Variants in SLC22A24 observed in about 807,000 individuals in gnomAD.
The protein encoded by SLC22A24 is steroid transmembrane transporter SLC22A24.
Under a neutral mutation model 49.8 loss-of-function variants are expected in SLC22A24, and 53 were observed. The ratio of observed to expected loss-of-function variants is 1.06; its 90% confidence interval spans 0.85 to 1.34. The LOEUF is 1.34. Among genes scored for constraint, SLC22A24 ranks in the 40% most tolerant of loss-of-function variants. The pLI, the probability that SLC22A24 is intolerant of heterozygous loss-of-function variation, is 0.00. For synonymous variants in SLC22A24, 302 were observed against 256.4 expected (o/e 1.18, Z -1.70); for missense variants, 786 against 675.9 (o/e 1.16, Z -1.81).
rs919301562 is a variant in SLC22A24 at position 63,143,573 on chromosome 11, C to T, written c.207G>A (p.Lys69=). ...VSDNDTGTLS[K]DDLLRISIPL... ...GGATGGAGATTCTCAGGAGGTCATC[C>T]TTGCTGAGGGTCCCGGTATCATTGT... The change falls in exon 1 of 10, where the codon AAG becomes AAA. Residue 69 remains lysine, a synonymous_variant. Transcript: ENST00000612278. 6.4e-7 allele frequency: 1 copy of T among 1,569,296 alleles called. No individual in the cohort carries two copies. Among genetic ancestry groups the T allele is most frequent in the Admixed American group, 1.8e-5 (1 of 54,064 alleles).
At chr11:63,106,555 A>C (rs189017376) in intron 4 of SLC22A24, among the ~76,000 whole-genome samples, 1 of 152,312 alleles carries the variant, frequency 6.6e-6, no homozygotes, top group Admixed American at 6.5e-5. Context: ...ACAGTGTAAA[A>C]GTGTTCCTAT....
intron 6 of SLC22A24, among the ~76,000 whole-genome samples, chr11:63,088,396 A>C (rs114440056): frequency 6.1e-5 from 1 of 16,304 alleles, no homozygotes; most frequent in African/African-American, 1.4e-4. Context: ...ACATCAACAT[A>C]AAGGACTCCA....
intron 6 of SLC22A24, among the ~76,000 whole-genome samples, chr11:63,087,024 GCA>G (rs1555045310): frequency 0.089 from 11,847 of 132,556 alleles, 706 homozygotes; most frequent in African/African-American, 0.19. Context: ...CCTGGAGGGC[GCA>G]CACACACACA....
chr11:63,140,505 G>C (rs1312047821), intron 1 of SLC22A24, among the ~76,000 whole-genome samples: 1 of 152,138 alleles, frequency 6.6e-6, no homozygotes, highest in Non-Finnish European at 1.5e-5. Flanking sequence ...CTTGACCTTT[G>C]AAAATCATTC....
Position 63,095,971 on chromosome 11 carries a change from C to T in SLC22A24, c.1070+20G>A, listed in dbSNP as rs1250027467. ...GTGTCTCCAATATTTTAAAGTGAAT[C>T]ATCACCAAATGGAACTTACCTCACA... is the stretch of plus-strand genomic sequence containing the variant. On this transcript the variant is annotated intron_variant, in intron 6 of 9. Coordinates refer to ENST00000612278, the MANE Select transcript of SLC22A24 (RefSeq NM_001136506.2). 10 of 1,497,996 alleles carry T rather than the reference C, an allele frequency of 6.7e-6. No individual in the cohort carries two copies. The highest frequency in any genetic ancestry group is 7.3e-6 in the Non-Finnish European group (8 of 1,100,112). The allele number at this position is 1,497,996 out of a possible 1,614,324, so 92.8% of individuals were successfully genotyped here. A position where few individuals can be genotyped will look rare whatever the true frequency, so the allele number is the denominator to read the frequency against.
Position 63,119,360 on chromosome 11 carries a change from G to A in SLC22A24, c.507-25C>T, listed in dbSNP as rs781245375. On this transcript the variant is annotated intron_variant, in intron 2 of 9. Coordinates refer to ENST00000612278, the MANE Select transcript of SLC22A24 (RefSeq NM_001136506.2). ...CCTAAGAAATATTAAACCAGATAAC[G>A]TTACTTAGGAACAAAAATAACACGT... 42 of 1,491,142 alleles carry A rather than the reference G, an allele frequency of 2.8e-5. No individual in the cohort carries two copies. The African/African-American group carries it at 3.7e-4, about 13-fold the overall frequency. 92.4% of individuals were successfully genotyped at this position (1,491,142 alleles called of 1,614,324 possible).
chr11:63,081,584 G>A lies in SLC22A24; in HGVS notation c.1368C>T (p.His456=). 2 of 1,551,458 alleles carry A rather than the reference G, an allele frequency of 1.3e-6. No individual in the cohort carries two copies. Among genetic ancestry groups the A allele is most frequent in the Non-Finnish European group, 1.7e-6 (2 of 1,146,788 alleles). Residue 456 remains histidine (H), a synonymous_variant, in exon 8 of 10, where the codon CAC becomes CAT. Transcript: ENST00000612278. Reference sequence around the variant, plus strand: ...TCAATATGGTGGGGACGAGCTCGTTGTGGTGGACAGAAGCACTGTTGCTAG... The same window carrying A: ...TCAATATGGTGGGGACGAGCTCGTTATGGTGGACAGAAGCACTGTTGCTAG... The part of the protein sequence containing the change: ...SAASNSASVH[H]NELVPTILRS...
intron 4 of SLC22A24, among the ~76,000 whole-genome samples, chr11:63,117,818 A>C (rs1055273075): frequency 1.3e-5 from 2 of 152,230 alleles, no homozygotes; most frequent in Non-Finnish European, 2.9e-5. Flanking sequence ...AGAGTAGGCT[A>C]TAAGTAGTTC....
intron 5 of SLC22A24, among the ~76,000 whole-genome samples, chr11:63,096,963 A>T (rs1188478002): frequency 6.6e-6 from 1 of 152,218 alleles, no homozygotes; most frequent in Non-Finnish European, 1.5e-5. Flanking sequence ...ACATGTAAAT[A>T]TAAAATGTAT....
intron 2 of SLC22A24, among the ~76,000 whole-genome samples, chr11:63,134,050 T>A (rs1387124011): frequency 6.6e-6 from 1 of 152,232 alleles, no homozygotes; most frequent in African/African-American, 2.4e-5. Flanking sequence ...GTTATACAAA[T>A]GACATTTTAA....
intron 5 of SLC22A24, among the ~76,000 whole-genome samples, chr11:63,103,584 T>C (rs968322017): frequency 6.6e-5 from 10 of 152,260 alleles, no homozygotes; most frequent in Middle Eastern, 3.4e-3. Flanking sequence ...TGGCTTCCAG[T>C]CATGAGAAGA....
intron 6 of SLC22A24, among the ~76,000 whole-genome samples, chr11:63,093,742 T>G (rs2087035065): frequency 6.6e-6 from 1 of 151,910 alleles, no homozygotes; most frequent in Non-Finnish European, 1.5e-5. Flanking sequence ...AACTAATGGG[T>G]ATTAGGCTCA....
At chr11:63,102,529 T>C (rs1206992953) in intron 5 of SLC22A24, among the ~76,000 whole-genome samples, 1 of 152,150 alleles carries the variant, frequency 6.6e-6, no homozygotes, top group Non-Finnish European at 1.5e-5. Context: ...CCCAATGGGT[T>C]GACAGGTGAT....
At chr11:63,102,707 A>G (rs186019573) in intron 5 of SLC22A24, among the ~76,000 whole-genome samples, 1 of 152,260 alleles carries the variant, frequency 6.6e-6, no homozygotes. Context: ...CATGAGAGGG[A>G]AGAAAACTCA....
At position 63,119,000 on chromosome 11, in the gene SLC22A24, G is replaced by C. The variant is rs369426188; in HGVS notation, c.742C>G (p.Leu248Val). 25 of 1,551,568 alleles carry C rather than the reference G, an allele frequency of 1.6e-5. No individual in the cohort carries two copies. The African/African-American group carries it at 3.0e-4, about 19-fold the overall frequency. ...TGAATGGCAAAAGCCAGCCCTCCTA[G>C]GAGCATCTGCCCAACACTGTAGGAA... ...LCSYSVGQML[L>V]GGLAFAIQDW... is the part of the protein sequence containing the mutation. Residue 248 changes from leucine to valine, a missense_variant, in exon 4 of 10, where the codon CTA (leucine) becomes GTA (valine). Transcript: ENST00000612278.
At chr11:63,091,102 T>G (rs1022041300) in intron 6 of SLC22A24, among the ~76,000 whole-genome samples, 5 of 152,030 alleles carry the variant, frequency 3.3e-5, no homozygotes, top group Non-Finnish European at 7.4e-5. Context: ...AAGTACAAAC[T>G]ACCATCAAAG....
At chr11:63,121,872 G>A (rs1199051602) in intron 2 of SLC22A24, among the ~76,000 whole-genome samples, 3 of 152,004 alleles carry the variant, frequency 2.0e-5, no homozygotes, top group African/African-American at 7.3e-5. Context: ...TCCCACCTAT[G>A]AGTGAGAACA....
chr11:63,106,994 A>C (rs1371893097), intron 4 of SLC22A24, among the ~76,000 whole-genome samples: 2 of 152,122 alleles, frequency 1.3e-5, no homozygotes, highest in Non-Finnish European at 2.9e-5. Context: ...TTTAGTCATG[A>C]AGTCCTTGCC....
In SLC22A24 at chr11:63,085,225, C is replaced by T. The variant is rs189026270; in HGVS notation, c.1071-1768G>A. 7.3e-5 allele frequency among the ~76,000 whole-genome samples: 11 copies of T among 151,510 alleles called. No individual in the cohort carries two copies. The East Asian group carries it at 1.5e-3, about 21-fold the overall frequency. Reference sequence around the variant, plus strand: ...AAATTTTATAATTATGAAAGAATACCGCATATTACTTAGAGATAAATACCA... The same window carrying T: ...AAATTTTATAATTATGAAAGAATACTGCATATTACTTAGAGATAAATACCA... On this transcript the variant is annotated intron_variant, in intron 6 of 9. Transcript: ENST00000612278.
Sources: gnomAD v4.1 joint callset for allele counts (sites outside exome capture counted in the v4.1 genomes callset) on GRCh38, gnomAD v4.1.1 for gene constraint, MANE v1.5 for transcripts, NCBI Gene and HGNC (gene_info 2026-07-23, HGNC 2026-07-21) for gene names.